ITSN1: variants seen among roughly 807,000 people sequenced by gnomAD.
The protein encoded by ITSN1 is intersectin-1.
Under a neutral mutation model 239.8 loss-of-function variants are expected in ITSN1, and 58 were observed. The observed-to-expected ratio is 0.24, with a 90% CI of 0.20 to 0.30. The LOEUF (loss-of-function observed/expected upper bound fraction) is 0.30, where lower values mean the gene tolerates loss of function less well. ITSN1 is among the 10% of genes least tolerant of loss of function. ITSN1 has a pLI of 1.00. For synonymous variants in ITSN1, 780 were observed against 770.8 expected (o/e 1.01, Z -0.20); for missense variants, 1,558 against 2,103.3 (o/e 0.74, Z 5.07).
At chr21:33,803,822 C>A (rs904281589) in intron 20 of ITSN1, among the ~76,000 whole-genome samples, 1 of 152,036 alleles carries the variant, frequency 6.6e-6, no homozygotes, top group African/African-American at 2.4e-5. Flanking sequence ...ATATCTCAGA[C>A]CTCCCAAATA....
Position 33,896,843 on chromosome 21 carries a change from A to G in ITSN1, c.*8543A>G, listed in dbSNP as rs935290735. On this transcript the variant is annotated 3_prime_UTR_variant, in exon 40 of 40. Coordinates refer to ENST00000381318, the MANE Select transcript of ITSN1 (RefSeq NM_003024.3). ...TATACATTGAGCAATAATCCTCACT[A>G]TGTTTCCTGATTCTGTCTGGGATTA... The G allele has an allele frequency of 6.6e-5, 10 of 152,228 alleles. No homozygotes were observed. Among genetic ancestry groups the G allele is most frequent in the African/African-American group, 1.9e-4 (8 of 41,462 alleles). The allele number at this position is 152,228 out of a possible 1,614,324, so 9.4% of individuals were successfully genotyped here.
At chr21:33,808,266 G>A (rs1246869578) in intron 20 of ITSN1, among the ~76,000 whole-genome samples, 4 of 151,406 alleles carry the variant, frequency 2.6e-5, no homozygotes, top group African/African-American at 9.7e-5. Flanking sequence ...CAACATCAGA[G>A]CTGGACAGCA....
At chr21:33,834,085 C>T (rs1315270146) in intron 27 of ITSN1, among the ~76,000 whole-genome samples, 5 of 152,126 alleles carry the variant, frequency 3.3e-5, no homozygotes, top group South Asian at 2.1e-4. Context: ...ACAGTCTAGC[C>T]GAAGCAAAAA....
chr21:33,891,508 C>G lies in ITSN1; in HGVS notation c.*3208C>G, dbSNP rs530805117. ...ATTGACCACCCACATTAAGTCTTAT[C>G]TCGGTGACCTGGTACCAAAGCCCAG... On this transcript the variant is annotated 3_prime_UTR_variant, in exon 40 of 40. Transcript: ENST00000381318. 6.6e-6 allele frequency: 1 copy of G among 152,256 alleles called. No individual in the cohort carries two copies. The highest frequency in any genetic ancestry group is 1.5e-5 in the Non-Finnish European group (1 of 68,024). The allele number at this position is 152,256 out of a possible 1,614,324, so 9.4% of individuals were successfully genotyped here.
Position 33,811,148 on chromosome 21 carries a change from G to T in ITSN1, c.2493G>T (p.Glu831Asp). ...CTGCCCCCAAACTGGCCTTGCGTGA[G>T]ACCCCCGCCCCTTTGGCAGTAACCT... The part of the protein sequence containing the change: ...SAPAPKLALR[E>D]TPAPLAVTSS... The change falls in exon 21 of 40, where the codon GAG becomes GAT. Residue 831 changes from glutamate to aspartate, a missense_variant. Glu to Asp is a conservative substitution (Grantham distance 45). Transcript: ENST00000381318. 6.2e-7 allele frequency: 1 copy of T among 1,612,726 alleles called. No homozygotes were observed. Among genetic ancestry groups the T allele is most frequent in the Admixed American group, 1.7e-5 (1 of 59,838 alleles).
At chr21:33,873,826 C>T (rs181674437) in intron 33 of ITSN1, among the ~76,000 whole-genome samples, 2 of 148,824 alleles carry the variant, frequency 1.3e-5, no homozygotes, top group East Asian at 2.0e-4. Flanking sequence ...GAGATGAGAT[C>T]GTGCCACTGT....
chr21:33,785,315 T>C (rs2070570837), intron 16 of ITSN1, among the ~76,000 whole-genome samples: 1 of 152,216 alleles, frequency 6.6e-6, no homozygotes, highest in South Asian at 2.1e-4. Flanking sequence ...CTTTGATGCA[T>C]GCTCAGAGTT....
intron 31 of ITSN1, among the ~76,000 whole-genome samples, chr21:33,859,189 C>G (rs1200238606): frequency 6.6e-6 from 1 of 152,198 alleles, no homozygotes; most frequent in Non-Finnish European, 1.5e-5. Context: ...ATTCTTGGCC[C>G]TGCAGATGGA....
At chr21:33,841,937 CTTTTT>C (rs60218190) in intron 29 of ITSN1, among the ~76,000 whole-genome samples, 1 of 131,998 alleles carries the variant, frequency 7.6e-6, no homozygotes. Flanking sequence ...CTCTTGGGCA[CTTTTT>C]TTTTTTTTTT....
intron 1 of ITSN1, among the ~76,000 whole-genome samples, chr21:33,691,111 G>T (rs1265502013): frequency 1.3e-5 from 2 of 151,830 alleles, no homozygotes; most frequent in Non-Finnish European, 2.9e-5. Context: ...CTGCGGTGTT[G>T]TATGAAACAC....
intron 16 of ITSN1, among the ~76,000 whole-genome samples, chr21:33,784,876 G>A (rs1367702303): frequency 6.6e-6 from 1 of 152,178 alleles, no homozygotes; most frequent in Middle Eastern, 3.2e-3. Flanking sequence ...CTGACTCTTG[G>A]GGTTTCTTCA....
At chr21:33,858,597 C>T (rs1273069826) in intron 30 of ITSN1, 89 bp from the exon 31 acceptor site, 3 of 787,264 alleles carry the variant, frequency 3.8e-6, no homozygotes, top group Non-Finnish European at 6.5e-6. Context: ...GACACCTGAG[C>T]CCTTTCCCTG....
intron 5 of ITSN1, among the ~76,000 whole-genome samples, chr21:33,745,841 T>A (rs889202333): frequency 4.6e-5 from 7 of 152,146 alleles, no homozygotes; most frequent in African/African-American, 1.4e-4. Flanking sequence ...GAGACCAGGG[T>A]GGGCCCGAGT....
chr21:33,843,498 A>G lies in ITSN1; in HGVS notation c.3661+6866A>G, dbSNP rs143278493. Among the ~76,000 whole-genome samples the G allele has an allele frequency of 2.3e-3, 344 of 152,350 alleles. 1 individual carries two copies. The highest frequency in any genetic ancestry group is 3.7e-3 in the Non-Finnish European group (250 of 68,030). On this transcript the variant is annotated intron_variant, in intron 29 of 39. Coordinates refer to ENST00000381318, the MANE Select transcript of ITSN1 (RefSeq NM_003024.3). The stretch of plus-strand genomic sequence containing the variant: ...GACACCCTCAGTCTGAGCCAAATGT[A>G]AGAACATGTGCTGCTGTAGCTTCCC...
chr21:33,798,646 G>C (rs2148054688), intron 18 of ITSN1, among the ~76,000 whole-genome samples: 2 of 152,198 alleles, frequency 1.3e-5, no homozygotes, highest in Non-Finnish European at 2.9e-5. Context: ...TCATCCATGT[G>C]CTTCTTTAGT....
At chr21:33,678,148 CTCTT>C (rs1471270109) in intron 1 of ITSN1, among the ~76,000 whole-genome samples, 1 of 152,170 alleles carries the variant, frequency 6.6e-6, no homozygotes, top group African/African-American at 2.4e-5. Context: ...CCTAACATGT[CTCTT>C]TCTATCTCTT....
intron 1 of ITSN1, among the ~76,000 whole-genome samples, chr21:33,681,756 C>G (rs759695425): frequency 3.3e-5 from 5 of 151,232 alleles, no homozygotes; most frequent in Non-Finnish European, 5.9e-5. Context: ...TTGCAAGCTC[C>G]GCCTCCCGGG....
chr21:33,754,761 C>G (rs2067798322), intron 7 of ITSN1, among the ~76,000 whole-genome samples: 1 of 152,204 alleles, frequency 6.6e-6, no homozygotes, highest in Non-Finnish European at 1.5e-5. Flanking sequence ...TGTTCTCTCT[C>G]TCTCTGGGAA....
intron 28 of ITSN1, among the ~76,000 whole-genome samples, chr21:33,835,600 G>C (rs1292166908): frequency 6.6e-6 from 1 of 152,140 alleles, no homozygotes; most frequent in Admixed American, 6.6e-5. Context: ...ACAACATTTT[G>C]AGATGCAAAG....
Sources: gnomAD v4.1 joint callset for allele counts (sites outside exome capture counted in the v4.1 genomes callset) on GRCh38, gnomAD v4.1.1 for gene constraint, MANE v1.5 for transcripts, NCBI Gene and HGNC (gene_info 2026-07-23, HGNC 2026-07-21) for gene names.